STAU1: variants seen among roughly 807,000 people sequenced by gnomAD.
STAU1 encodes staufen double-stranded RNA binding protein 1.
A neutral mutation model predicts 62.9 loss-of-function variants in STAU1; 13 were observed. That is an observed-to-expected ratio of 0.21 (90% confidence interval 0.13 to 0.33). STAU1 has a LOEUF of 0.33. Among genes scored for constraint, STAU1 ranks in the 10% least tolerant of loss-of-function variants. The pLI is 1.00. For synonymous variants in STAU1, 269 were observed against 265.1 expected (o/e 1.01, Z -0.14); for missense variants, 571 against 712.1 (o/e 0.80, Z 2.25).
At chr20:49,155,573 G>T (rs1230839495) in intron 3 of STAU1, among the ~76,000 whole-genome samples, 1 of 152,054 alleles carries the variant, frequency 6.6e-6, no homozygotes, top group Non-Finnish European at 1.5e-5. Flanking sequence ...GCCTCTTTAG[G>T]ATGTATATAG....
the STAU1 span, among the ~76,000 whole-genome samples, chr20:49,215,776 G>A: frequency 6.6e-6 from 1 of 152,064 alleles, no homozygotes; most frequent in Non-Finnish European, 1.5e-5. Context: ...GGAGGCTGAG[G>A]TGGGTGGATT....
At chr20:49,125,210 A>AAAAAAAAC (rs1323624429) in intron 6 of STAU1, among the ~76,000 whole-genome samples, 78 of 144,552 alleles carry the variant, frequency 5.4e-4, no homozygotes, top group Non-Finnish European at 1.1e-3. Context: ...AAAAAAAAAA[A>AAAAAAAAC]AAAAAAAAAA....
intron 6 of STAU1, among the ~76,000 whole-genome samples, chr20:49,129,778 G>A (rs2092712825): frequency 6.6e-6 from 1 of 151,618 alleles, no homozygotes; most frequent in Admixed American, 6.6e-5. Context: ...GGGATTACAG[G>A]CACATGCCTG....
At chr20:49,183,774 T>C (rs1367271523) in intron 1 of STAU1, among the ~76,000 whole-genome samples, 1 of 152,130 alleles carries the variant, frequency 6.6e-6, no homozygotes, top group Non-Finnish European at 1.5e-5. Flanking sequence ...AGGGGTAGGT[T>C]CTTGGAAACT....
chr20:49,163,528 C>T (rs964956606), intron 3 of STAU1, among the ~76,000 whole-genome samples: 1 of 147,976 alleles, frequency 6.8e-6, no homozygotes, highest in East Asian at 2.0e-4. Flanking sequence ...CAGGTTCAAG[C>T]GATTTTCCTG....
the STAU1 span, among the ~76,000 whole-genome samples, chr20:49,214,405 C>T: frequency 7.3e-5 from 11 of 151,418 alleles, no homozygotes; most frequent in African/African-American, 2.7e-4. Context: ...GTAGTCCCAA[C>T]TACTTGGGAG....
At chr20:49,206,751 A>ATATATATATATATATT in the STAU1 span, among the ~76,000 whole-genome samples, 13 of 95,018 alleles carry the variant, frequency 1.4e-4, no homozygotes, top group African/African-American at 4.7e-4. Flanking sequence ...ATATATATAT[A>ATATATATATATATATT]TTTTATTTTA....
rs929165121 is a variant in STAU1 at position 49,144,743 on chromosome 20, AG to A, written c.510+6838del. On this transcript the variant is annotated intron_variant, in intron 5 of 13. Coordinates refer to ENST00000371856, the MANE Select transcript of STAU1 (RefSeq NM_017453.4). ...GGAAGACAATGCAATAGCCTAGGCA[AG>A]GCCATAGGACAATAAAAGAAGGTGT... 7.9e-5 allele frequency among the ~76,000 whole-genome samples: 12 copies of A among 152,314 alleles called. 1 individual carries two copies. The highest frequency in any genetic ancestry group is 2.6e-4 in the African/African-American group (11 of 41,572).
At chr20:49,147,624 C>T (rs577669307) in intron 5 of STAU1, among the ~76,000 whole-genome samples, 2 of 152,284 alleles carry the variant, frequency 1.3e-5, no homozygotes, top group East Asian at 3.9e-4. Flanking sequence ...ACTTCTAGGA[C>T]CGTGGACAAA....
rs1450938750 is a variant in STAU1, at chr20:49,113,834, T to C, written c.*1044A>G. The C allele has an allele frequency of 6.6e-6, 1 of 152,656 alleles. No homozygotes were observed. The highest frequency in any genetic ancestry group is 2.4e-5 in the African/African-American group (1 of 41,452). The allele number at this position is 152,656 out of a possible 1,614,324, so 9.5% of individuals were successfully genotyped here. On this transcript the variant is annotated 3_prime_UTR_variant, in exon 14 of 14. Transcript: ENST00000371856. ...TGGACTACATGGAGATCATATCCTG[T>C]AGTGTAGTGAAAGCTAAGTCCTCAA...
At chr20:49,197,274 A>C in the STAU1 span, among the ~76,000 whole-genome samples, 2 of 151,836 alleles carry the variant, frequency 1.3e-5, no homozygotes, top group African/African-American at 4.8e-5. Context: ...AAAAAAAAAA[A>C]AACGAGGAAG....
At chr20:49,195,555 AAAAAAAGAT>A in the STAU1 span, among the ~76,000 whole-genome samples, 9 of 134,184 alleles carry the variant, frequency 6.7e-5, no homozygotes, top group East Asian at 8.9e-4. Context: ...AAAAAAAAAA[AAAAAAAGAT>A]AGCAACAGAC....
At chr20:49,138,387 C>T (rs2092935956) in intron 5 of STAU1, among the ~76,000 whole-genome samples, 1 of 152,154 alleles carries the variant, frequency 6.6e-6, no homozygotes, top group Admixed American at 6.5e-5. Flanking sequence ...TCCAGATGCT[C>T]TTTGTAATTC....
In STAU1 at chr20:49,115,936, G is replaced by A; in HGVS notation, c.1633-69C>T. ...GGACCACAGCATAATACACTGGTCA[G>A]GCAGGCAAGAGAGTTCCTGCTGCCC... On this transcript the variant is annotated intron_variant, in intron 12 of 13. Transcript: ENST00000371856. The A allele has an allele frequency of 2.2e-6, 3 of 1,393,938 alleles. No homozygotes were observed. In the South Asian group the frequency reaches 3.5e-5, roughly 16 times the overall value. The allele number at this position is 1,393,938 out of a possible 1,614,324, so 86.3% of individuals were successfully genotyped here.
intron 1 of STAU1, among the ~76,000 whole-genome samples, chr20:49,176,638 C>T (rs2093663212): frequency 6.6e-6 from 1 of 152,108 alleles, no homozygotes; most frequent in Non-Finnish European, 1.5e-5. Flanking sequence ...AGGTTCTTTT[C>T]ATAGATAGTA....
chr20:49,121,671 T>A (rs747289411), intron 8 of STAU1, among the ~76,000 whole-genome samples: 40 of 150,226 alleles, frequency 2.7e-4, no homozygotes, highest in Middle Eastern at 3.4e-3. Context: ...AAAACACACA[T>A]ATATGTCAGT....
intron 5 of STAU1, among the ~76,000 whole-genome samples, chr20:49,137,390 G>A (rs2092909281): frequency 6.6e-6 from 1 of 152,148 alleles, no homozygotes; most frequent in Admixed American, 6.5e-5. Flanking sequence ...ACTTCTGCGT[G>A]CTGATAACAT....
chr20:49,211,494 G>T, the STAU1 span, among the ~76,000 whole-genome samples: 3 of 151,364 alleles, frequency 2.0e-5, no homozygotes, highest in African/African-American at 7.3e-5. Flanking sequence ...TGATCCTCCT[G>T]CCTCAGCCTC....
intron 2 of STAU1, among the ~76,000 whole-genome samples, chr20:49,171,925 A>T (rs1433905543): frequency 6.6e-6 from 1 of 152,068 alleles, no homozygotes; most frequent in African/African-American, 2.4e-5. Context: ...CTTTAAAAAA[A>T]AAAAAAAAAA....
Sources: allele counts gnomAD v4.1 joint callset (sites outside exome capture counted in the v4.1 genomes callset), GRCh38; gene constraint gnomAD v4.1.1; transcripts MANE v1.5; gene names NCBI Gene and HGNC (gene_info 2026-07-23, HGNC 2026-07-21).